CTBP2: variants seen among roughly 807,000 people sequenced by gnomAD.
CTBP2 encodes the protein C-terminal binding protein 2, also known as C-terminal-binding protein 2.
Under a neutral mutation model 80.3 loss-of-function variants are expected in CTBP2, and 30 were observed. That is an observed-to-expected ratio of 0.37 (90% CI 0.28 to 0.51). The LOEUF is 0.51. Ranked by LOEUF, CTBP2 falls within the 20% of genes least tolerant of loss-of-function variation. The probability of loss-of-function intolerance (pLI) is 0.93; values close to 1 mark genes in which losing one functional copy is unlikely to be tolerated. For missense variants in CTBP2, 1,212 were observed against 1,375.3 expected (o/e 0.88, Z 1.88); for synonymous variants, 594 against 587.4 (o/e 1.01, Z -0.16).
At chr10:125,102,045 C>G (rs1324935501) in intron 2 of CTBP2, among the ~76,000 whole-genome samples, 1 of 152,200 alleles carries the variant, frequency 6.6e-6, no homozygotes, top group Non-Finnish European at 1.5e-5. Context: ...TGACTAAGCT[C>G]TTAACATGTA....
At chr10:125,080,431 C>G (rs1010034451) in intron 2 of CTBP2, among the ~76,000 whole-genome samples, 8 of 152,184 alleles carry the variant, frequency 5.3e-5, no homozygotes, top group African/African-American at 1.9e-4. Context: ...CTCCTCTGCC[C>G]CTGGTCACTG....
rs200278028 is a variant in CTBP2 at position 125,154,212 on chromosome 10, AT to A, written c.-206+6106del. Among the ~76,000 whole-genome samples, 1,197 of 152,246 alleles carry A rather than the reference AT, an allele frequency of 7.9e-3. 14 individuals are homozygous for A. The highest frequency in any genetic ancestry group is 0.027 in the African/African-American group (1,103 of 41,540). ...TTTTTGTATTTTATAAATGAGAAGGATTTTTAGAACCCCACGGATGAAAAGC... is the reference window on the plus strand; with the variant it reads ...TTTTTGTATTTTATAAATGAGAAGGATTTTAGAACCCCACGGATGAAAAGC... On this transcript the variant is annotated intron_variant, in intron 1 of 10. Coordinates refer to the CTBP2 transcript ENST00000337195.
chr10:125,090,570 T>G (rs542396679), intron 2 of CTBP2, among the ~76,000 whole-genome samples: 1 of 151,534 alleles, frequency 6.6e-6, no homozygotes, highest in South Asian at 2.1e-4. Context: ...TGACACCAGC[T>G]TGGGCAACAT....
rs145630610 is a variant in CTBP2, at chr10:125,121,659, A to G, written c.-205-10566T>C. ...AGAACTGAATTCCCGGGTCCAAAATATATTCCCTCTAGAAGCAACTCATTC... is the reference window on the plus strand; with the variant it reads ...AGAACTGAATTCCCGGGTCCAAAATGTATTCCCTCTAGAAGCAACTCATTC... On this transcript the variant is annotated intron_variant, in intron 1 of 10. Coordinates refer to the CTBP2 transcript ENST00000337195. 1.6e-4 allele frequency among the ~76,000 whole-genome samples: 24 copies of G among 152,362 alleles called. No individual in the cohort carries two copies. In the East Asian group the frequency reaches 4.6e-3, roughly 29 times the overall value.
chr10:125,071,559 A>C (rs1306676580), intron 2 of CTBP2, among the ~76,000 whole-genome samples: 1 of 152,160 alleles, frequency 6.6e-6, no homozygotes, highest in Non-Finnish European at 1.5e-5. Context: ...GGCAGTAAAA[A>C]CTTACAAGAT....
At chr10:125,151,224 G>C (rs1317663114) in intron 1 of CTBP2, among the ~76,000 whole-genome samples, 1 of 152,172 alleles carries the variant, frequency 6.6e-6, no homozygotes, top group Non-Finnish European at 1.5e-5. Flanking sequence ...TGGAGAAGAC[G>C]AGGGCAAGAC....
intron 1 of CTBP2, among the ~76,000 whole-genome samples, chr10:125,018,149 G>A (rs537260422): frequency 6.6e-6 from 1 of 152,316 alleles, no homozygotes; most frequent in East Asian, 1.9e-4. Context: ...CTCAGGGTAG[G>A]GGGTGAACCT....
At chr10:125,134,832 G>A (rs369024616) in intron 1 of CTBP2, among the ~76,000 whole-genome samples, 5 of 151,740 alleles carry the variant, frequency 3.3e-5, no homozygotes, top group African/African-American at 1.2e-4. Context: ...GAGGGAGTCA[G>A]GCATAGCCCT....
chr10:125,024,324 T>C (rs1240837033), intron 1 of CTBP2, among the ~76,000 whole-genome samples: 1 of 152,186 alleles, frequency 6.6e-6, no homozygotes, highest in East Asian at 1.9e-4. Context: ...AACAGAGACA[T>C]TTGATTTGCT....
intron 1 of CTBP2, among the ~76,000 whole-genome samples, chr10:125,113,260 T>C (rs1213486545): frequency 1.3e-5 from 2 of 152,194 alleles, no homozygotes; most frequent in African/African-American, 4.8e-5. Flanking sequence ...TTTTTTGAGG[T>C]GGCAGAGCTT....
chr10:125,152,173 A>G (rs1459756682), intron 1 of CTBP2, among the ~76,000 whole-genome samples: 2 of 151,614 alleles, frequency 1.3e-5, no homozygotes, highest in Admixed American at 1.3e-4. Flanking sequence ...CCGGGAGGAG[A>G]GGGGCGAACC....
intron 2 of CTBP2, among the ~76,000 whole-genome samples, chr10:125,079,406 C>T (rs576114918): frequency 6.6e-6 from 1 of 152,164 alleles, no homozygotes; most frequent in Non-Finnish European, 1.5e-5. Context: ...TTCATCTGCC[C>T]GGTTGGATCT....
At position 125,139,322 on chromosome 10, in the gene CTBP2, T is replaced by C. The variant is rs1427248878; in HGVS notation, c.-206+20997A>G. ...AGGCAGAGGTTCCAGTGAGCCGAGATTGCACCACTGTACAATCACTGTACA... is the reference window on the plus strand; with the variant it reads ...AGGCAGAGGTTCCAGTGAGCCGAGACTGCACCACTGTACAATCACTGTACA... On this transcript the variant is annotated intron_variant, in intron 1 of 10. Coordinates refer to the CTBP2 transcript ENST00000337195. Among the ~76,000 whole-genome samples, 11 of 144,626 alleles carry C rather than the reference T, an allele frequency of 7.6e-5. No homozygotes were observed. The South Asian group carries it at 8.6e-4, about 11-fold the overall frequency. 94.9% of individuals were successfully genotyped at this position (144,626 alleles called of 152,430 possible).
intron 1 of CTBP2, among the ~76,000 whole-genome samples, chr10:125,145,289 G>T (rs142502631): frequency 1.3e-5 from 2 of 152,148 alleles, no homozygotes; most frequent in African/African-American, 4.8e-5. Context: ...AGATGTTAGG[G>T]CTTCTCCATC....
At chr10:125,115,470 C>G (rs1478133620) in intron 1 of CTBP2, among the ~76,000 whole-genome samples, 1 of 152,176 alleles carries the variant, frequency 6.6e-6, no homozygotes, top group Non-Finnish European at 1.5e-5. Context: ...AGGCCAGCAT[C>G]GGTGGCTGAG....
At chr10:125,131,197 T>C (rs1038346297) in intron 1 of CTBP2, among the ~76,000 whole-genome samples, 1 of 152,130 alleles carries the variant, frequency 6.6e-6, no homozygotes, top group Non-Finnish European at 1.5e-5. Flanking sequence ...CACTGCGGGA[T>C]TCAGAACGTA....
intron 1 of CTBP2, among the ~76,000 whole-genome samples, chr10:125,146,578 T>C (rs573810512): frequency 6.6e-6 from 1 of 152,302 alleles, no homozygotes; most frequent in South Asian, 2.1e-4. Context: ...CCACCCCACC[T>C]GGCCTCCAAG....
upstream of CTBP2, among the ~76,000 whole-genome samples, chr10:125,031,092 C>T (rs370181285): frequency 5.3e-5 from 8 of 152,186 alleles, no homozygotes; most frequent in Admixed American, 1.3e-4. Context: ...GCAGAAAAAT[C>T]GGCCTATGGC....
At chr10:125,079,301 A>T (rs1214142003) in intron 2 of CTBP2, among the ~76,000 whole-genome samples, 2 of 152,186 alleles carry the variant, frequency 1.3e-5, no homozygotes, top group African/African-American at 2.4e-5. Flanking sequence ...AGCGCCTTTC[A>T]CAGCCACTGG....
Sources: gnomAD v4.1 joint callset for allele counts (sites outside exome capture counted in the v4.1 genomes callset) on GRCh38, gnomAD v4.1.1 for gene constraint, MANE v1.5 for transcripts, NCBI Gene and HGNC (gene_info 2026-07-23, HGNC 2026-07-21) for gene names.